Variants in ARHGEF11 observed in about 807,000 individuals in gnomAD.
The protein encoded by ARHGEF11 is Rho guanine nucleotide exchange factor 11.
In ARHGEF11, 55 loss-of-function variants were observed where a neutral mutation model predicts 193.7. The observed-to-expected ratio is 0.28, with a 90% CI of 0.23 to 0.36. The LOEUF (loss-of-function observed/expected upper bound fraction) is 0.36, where lower values mean the gene tolerates loss of function less well. Ranked by LOEUF, ARHGEF11 falls within the 10% of genes least tolerant of loss-of-function variation. The probability of loss-of-function intolerance (pLI) is 1.00; values close to 1 mark genes in which losing one functional copy is unlikely to be tolerated. For missense variants in ARHGEF11, 1,723 were observed against 2,005.6 expected (o/e 0.86, Z 2.69); for synonymous variants, 693 against 768.0 (o/e 0.90, Z 1.62).
upstream of ARHGEF11, among the ~76,000 whole-genome samples, chr1:157,046,760 T>C (rs1394414363): frequency 6.6e-6 from 1 of 152,148 alleles, no homozygotes; most frequent in East Asian, 1.9e-4. Context: ...CCGAGCGTTA[T>C]GATTAAAAAT....
At chr1:157,034,114 C>T (rs1410688901) in intron 1 of ARHGEF11, among the ~76,000 whole-genome samples, 1 of 152,184 alleles carries the variant, frequency 6.6e-6, no homozygotes, top group Non-Finnish European at 1.5e-5. Flanking sequence ...ACACTGAAAT[C>T]CTAGTGGTAT....
intron 34 of ARHGEF11, 80 bp downstream of exon 34, chr1:156,941,784 G>A: frequency 1.8e-5 from 28 of 1,518,962 alleles, no homozygotes; most frequent in Non-Finnish European, 2.5e-5. Flanking sequence ...CTACCCACGG[G>A]GGCGAAGGGC....
chr1:156,947,795 T>C lies in ARHGEF11; in HGVS notation c.2315A>G (p.Glu772Gly). Residue 772 changes from glutamate (E) to glycine (G), a missense_variant, in exon 25 of 41, where the codon GAG (glutamate) becomes GGG (glycine). Around this residue, in one of 5 missense-constraint regions of ARHGEF11, gnomAD observed 491 missense variants for 654.5 expected, o/e 0.75. Coordinates refer to ENST00000368194, the MANE Select transcript of ARHGEF11 (RefSeq NM_198236.3). Reference protein sequence around the residue: ...KDVVAGLTQREIDRQEVINEL... With the variant: ...KDVVAGLTQRGIDRQEVINEL... ...ATTGATGACCTCTTGCCGGTCAATC[T>C]CCCGCTGGGTTAGCCCAGCCACCAC... 6.2e-7 allele frequency: 1 copy of C among 1,613,622 alleles called. No homozygotes were observed. Among genetic ancestry groups the C allele is most frequent in the Non-Finnish European group, 8.5e-7 (1 of 1,180,018 alleles).
At chr1:156,936,497 A>AAAAAAAAAATATATAT (rs370282821) in intron 40 of ARHGEF11, among the ~76,000 whole-genome samples, 1 of 33,916 alleles carries the variant, frequency 2.9e-5, no homozygotes, top group African/African-American at 1.5e-4. Flanking sequence ...AAAAAAAAAA[A>AAAAAAAAAATATATAT]ATATATATAT....
chr1:156,973,964 TTC>T (rs1473916186), intron 7 of ARHGEF11, among the ~76,000 whole-genome samples: 1 of 152,226 alleles, frequency 6.6e-6, no homozygotes, highest in East Asian at 1.9e-4. Flanking sequence ...CCACTCAAAG[TTC>T]TTTGATTAAT....
At chr1:156,971,585 A>G in intron 8 of ARHGEF11, 112 bp downstream of exon 8, 1 of 1,365,790 alleles carries the variant, frequency 7.3e-7, no homozygotes, top group East Asian at 2.4e-5. Context: ...TTACTAGTTC[A>G]GCCTTGAGGT....
chr1:156,948,210 G>T lies in ARHGEF11; in HGVS notation c.2124C>A (p.Thr708=). Residue 708 remains threonine (T), a synonymous_variant, in exon 24 of 41, where the codon ACC becomes ACA. Transcript: ENST00000368194. The surrounding 1 kb of genome is among the most constrained non-coding windows in gnomAD (Gnocchi z 4.2). The part of the protein sequence containing the change: ...SLSTRSLENP[T]PPFTPKMGRR... ...GGCCCATTTTGGGAGTGAATGGAGG[G>T]GTTGGGTTCTCAAGAGACCTGTGGA... 6.3e-7 allele frequency: 1 copy of T among 1,582,476 alleles called. No individual in the cohort carries two copies. Among genetic ancestry groups the T allele is most frequent in the South Asian group, 1.2e-5 (1 of 85,842 alleles).
rs768021435 is a variant in ARHGEF11 at position 156,948,378 on chromosome 1, A to T, written c.2046T>A (p.Ala682=). 2 of 1,614,248 alleles carry T rather than the reference A, an allele frequency of 1.2e-6. No individual in the cohort carries two copies. Among genetic ancestry groups the T allele is most frequent in the Non-Finnish European group, 1.7e-6 (2 of 1,180,050 alleles). Residue 682 remains alanine (A), a synonymous_variant, in exon 23 of 41, where the codon GCT becomes GCA. Transcript: ENST00000368194. The surrounding 1 kb of genome is among the most constrained non-coding windows in gnomAD (Gnocchi z 4.2). ...RSRSDVDMDA[A]AEATRLHQSA... is the part of the protein sequence containing the mutation. ...ACTGGTGCAGGCGAGTAGCCTCCGC[A>T]GCAGCATCCATGTCAACATCACTGC...
chr1:156,951,315 C>T (rs1327012581), intron 22 of ARHGEF11, among the ~76,000 whole-genome samples: 1 of 152,126 alleles, frequency 6.6e-6, no homozygotes, highest in Non-Finnish European at 1.5e-5. Context: ...ACTGAGTAGT[C>T]AGGTGATAAA....
chr1:157,039,984 C>A (rs1571626174), intron 1 of ARHGEF11, among the ~76,000 whole-genome samples: 1 of 152,154 alleles, frequency 6.6e-6, no homozygotes, highest in African/African-American at 2.4e-5. Flanking sequence ...TTCACAAAAT[C>A]TTTTTATTTT....
intron 6 of ARHGEF11, 90 bp downstream of exon 6, chr1:156,978,114 G>GC: frequency 6.5e-7 from 1 of 1,548,454 alleles, no homozygotes; most frequent in Non-Finnish European, 8.7e-7. Context: ...GTTTACCACA[G>GC]CCCCACTGGA....
chr1:156,986,774 G>A (rs765491934), intron 1 of ARHGEF11, among the ~76,000 whole-genome samples: 31 of 152,284 alleles, frequency 2.0e-4, no homozygotes, highest in Admixed American at 9.8e-4. Flanking sequence ...CTCCAGGAGG[G>A]TAAATGGGCA....
intron 1 of ARHGEF11, among the ~76,000 whole-genome samples, chr1:157,026,598 G>C (rs561912889): frequency 1.3e-5 from 2 of 152,280 alleles, no homozygotes; most frequent in Admixed American, 1.3e-4. Flanking sequence ...GATCCAGTGG[G>C]GCCAAGCCAG....
At chr1:157,018,495 A>T (rs964491879) in intron 1 of ARHGEF11, among the ~76,000 whole-genome samples, 10 of 152,064 alleles carry the variant, frequency 6.6e-5, no homozygotes, top group African/African-American at 2.2e-4. Flanking sequence ...TACAAAAAAA[A>T]TTAGCTGGGC....
intron 19 of ARHGEF11, 63 bp downstream of exon 19, chr1:156,956,357 C>T: frequency 6.4e-7 from 1 of 1,570,806 alleles, no homozygotes; most frequent in Non-Finnish European, 8.7e-7. Context: ...CTCAGGCAAT[C>T]ACCCGCCTTG....
chr1:156,968,701 C>A (rs1239987920), intron 10 of ARHGEF11, among the ~76,000 whole-genome samples: 1 of 152,210 alleles, frequency 6.6e-6, no homozygotes, highest in Non-Finnish European at 1.5e-5. Context: ...ATTTTGCTAA[C>A]TTCATTACTA....
chr1:156,949,199 G>T, intron 22 of ARHGEF11: 1 of 763,674 alleles, frequency 1.3e-6, no homozygotes, highest in Non-Finnish European at 1.6e-6. Context: ...TGATAGGCAG[G>T]ACCCGCTCCT....
intron 36 of ARHGEF11, 60 bp from the exon 37 acceptor site, chr1:156,939,970 T>C: frequency 6.3e-7 from 1 of 1,577,948 alleles, no homozygotes. Context: ...GCCAGAAGGA[T>C]CGTTGTACTG....
At position 156,959,194 on chromosome 1, in the gene ARHGEF11, G is replaced by A. The variant is rs368809931; in HGVS notation, c.1283-52C>T. ...AGTGGATGGGGTACTGGGGGTGGAG[G>A]GGGATCCCTTCTGCTGAGCATCTCA... On this transcript the variant is annotated intron_variant, in intron 15 of 40. Transcript: ENST00000368194. 1.9e-5 allele frequency: 29 copies of A among 1,516,408 alleles called. No homozygotes were observed. The African/African-American group carries it at 3.6e-4, about 19-fold the overall frequency. The allele number at this position is 1,516,408 out of a possible 1,614,324, so 93.9% of individuals were successfully genotyped here. A position where few individuals can be genotyped will look rare whatever the true frequency, so the allele number is the denominator to read the frequency against.
Sources: allele counts gnomAD v4.1 joint callset (sites outside exome capture counted in the v4.1 genomes callset), GRCh38; gene constraint gnomAD v4.1.1; regional missense constraint gnomAD v4.1.1; non-coding constraint Gnocchi (gnomAD v3.1); transcripts MANE v1.5; gene names NCBI Gene and HGNC (gene_info 2026-07-23, HGNC 2026-07-21).